Variants in MEIS2 observed in about 807,000 individuals in gnomAD.
The protein encoded by MEIS2 is homeobox protein Meis2.
In MEIS2, 9 loss-of-function variants were observed where a neutral mutation model predicts 58.6. The ratio of observed to expected loss-of-function variants is 0.15; its 90% CI spans 0.09 to 0.27. The LOEUF (loss-of-function observed/expected upper bound fraction) is 0.27. Among genes scored for constraint, MEIS2 ranks in the 10% least tolerant of loss-of-function variants. MEIS2 has a pLI of 1.00. For synonymous variants in MEIS2, 221 were observed against 228.4 expected, an observed-to-expected ratio of 0.97 and a Z score of 0.29; for missense variants, 427 against 635.0, an observed-to-expected ratio of 0.67 and a Z score of 3.52.
intron 7 of MEIS2, among the ~76,000 whole-genome samples, chr15:37,077,122 A>T (rs1292220584): frequency 6.6e-6 from 1 of 152,102 alleles, no homozygotes; most frequent in Non-Finnish European, 1.5e-5. Flanking sequence ...CAAACTTTCA[A>T]ATTTGACACG....
chr15:36,926,933 C>T (rs999140383), intron 9 of MEIS2, among the ~76,000 whole-genome samples: 12 of 152,136 alleles, frequency 7.9e-5, no homozygotes, highest in Admixed American at 2.0e-4. Context: ...ATTATGTAAA[C>T]GGATATCTCA....
intron 8 of MEIS2, among the ~76,000 whole-genome samples, chr15:36,968,713 T>C (rs1196956548): frequency 6.6e-6 from 1 of 152,220 alleles, no homozygotes; most frequent in African/African-American, 2.4e-5. Context: ...AATTCACTTG[T>C]GCAGTCAAAG....
At chr15:37,092,299 C>T (rs994938505) in intron 6 of MEIS2, among the ~76,000 whole-genome samples, 3 of 152,158 alleles carry the variant, frequency 2.0e-5, no homozygotes, top group South Asian at 2.1e-4. Flanking sequence ...AAATCTATGA[C>T]TGCATATTTT....
intron 9 of MEIS2, among the ~76,000 whole-genome samples, chr15:36,940,584 G>A (rs1414024465): frequency 1.3e-5 from 2 of 152,100 alleles, no homozygotes; most frequent in Non-Finnish European, 2.9e-5. Flanking sequence ...TGACTTCTGG[G>A]AGCAGGAGAG....
chr15:36,923,731 G>A (rs2057619988), intron 9 of MEIS2, among the ~76,000 whole-genome samples: 1 of 152,190 alleles, frequency 6.6e-6, no homozygotes, highest in Admixed American at 6.5e-5. Flanking sequence ...CCCCCAGCAT[G>A]TAAAAGGTCC....
intron 7 of MEIS2, among the ~76,000 whole-genome samples, chr15:37,042,339 G>T (rs931316128): frequency 1.3e-5 from 2 of 152,108 alleles, no homozygotes; most frequent in African/African-American, 4.8e-5. Context: ...CTTTCTCCTT[G>T]TCTTATCAGA....
At chr15:37,002,894 G>T (rs1028427282) in intron 8 of MEIS2, among the ~76,000 whole-genome samples, 1 of 152,084 alleles carries the variant, frequency 6.6e-6, no homozygotes, top group African/African-American at 2.4e-5. Context: ...TAAGAAGACA[G>T]TGCTACAACA....
At chr15:37,094,079 C>A (rs1028118860) in intron 5 of MEIS2, 2 of 256,836 alleles carry the variant, frequency 7.8e-6, no homozygotes, top group South Asian at 7.0e-5. Context: ...CTGGGGAGAG[C>A]ATTAACGTTT....
At chr15:37,031,036 C>G (rs1229215988) in intron 8 of MEIS2, among the ~76,000 whole-genome samples, 1 of 152,172 alleles carries the variant, frequency 6.6e-6, no homozygotes, top group Non-Finnish European at 1.5e-5. Context: ...TTGGTCAAAG[C>G]CTTCTGCTAG....
intron 1 of MEIS2, chr15:37,098,881 G>GC: frequency 1.0e-6 from 1 of 983,290 alleles, no homozygotes; most frequent in Non-Finnish European, 1.2e-6. Context: ...GGGTGGGGGG[G>GC]CGAATAACGT....
intron 8 of MEIS2, among the ~76,000 whole-genome samples, chr15:37,000,735 T>C (rs2060692354): frequency 6.6e-6 from 1 of 152,162 alleles, no homozygotes; most frequent in Non-Finnish European, 1.5e-5. Flanking sequence ...TTTCAATCTC[T>C]TCACTTCTAC....
At chr15:36,898,462 A>T (rs772384514) in intron 9 of MEIS2, 4 of 152,020 alleles carry the variant, frequency 2.6e-5, no homozygotes, top group Non-Finnish European at 4.4e-5. Flanking sequence ...ACCCCCTTTT[A>T]TGTGCTACTA....
At chr15:36,893,601 T>C (rs2056004346) in intron 11 of MEIS2, among the ~76,000 whole-genome samples, 1 of 152,242 alleles carries the variant, frequency 6.6e-6, no homozygotes, top group Non-Finnish European at 1.5e-5. Flanking sequence ...TATTAAGCTA[T>C]TAATGTAATT....
chr15:36,968,077 G>A (rs2141453632), intron 8 of MEIS2, among the ~76,000 whole-genome samples: 1 of 152,316 alleles, frequency 6.6e-6, no homozygotes, highest in Admixed American at 6.5e-5. Flanking sequence ...AGAATAGCCT[G>A]AACTCACCAC....
At position 37,073,503 on chromosome 15, in the gene MEIS2, C is replaced by A. The variant is rs1039002658; in HGVS notation, c.754+10268G>T. Among the ~76,000 whole-genome samples, 3 of 152,056 alleles carry A rather than the reference C, an allele frequency of 2.0e-5. No individual in the cohort carries two copies. In the East Asian group the frequency reaches 5.8e-4, roughly 29 times the overall value. ...CCAAGGTGCCTTGCTCAATGAATAT[C>A]TTTGTGTATTAAATTTAAACAGCCT... is the stretch of plus-strand genomic sequence containing the variant. On this transcript the variant is annotated intron_variant, in intron 7 of 11. Transcript: ENST00000561208.
chr15:36,897,990 T>C (rs1341401640), intron 9 of MEIS2: 1 of 152,244 alleles, frequency 6.6e-6, no homozygotes, highest in Non-Finnish European at 1.5e-5. Context: ...GTGAGCACTC[T>C]GGTGGGAATA....
intron 7 of MEIS2, chr15:37,050,921 T>G (rs1378517115): frequency 6.6e-6 from 1 of 152,228 alleles, no homozygotes; most frequent in Non-Finnish European, 1.5e-5. Flanking sequence ...CCACTGCACT[T>G]GGACCAGCCC....
chr15:36,951,715 T>A (rs1400112703), intron 8 of MEIS2, among the ~76,000 whole-genome samples: 1 of 152,150 alleles, frequency 6.6e-6, no homozygotes, highest in Non-Finnish European at 1.5e-5. Context: ...AAGATGATAA[T>A]GTTGAGTTAA....
intron 8 of MEIS2, among the ~76,000 whole-genome samples, chr15:37,015,122 A>G (rs2061302990): frequency 6.6e-6 from 1 of 152,254 alleles, no homozygotes; most frequent in Non-Finnish European, 1.5e-5. Context: ...TGTCGGAGGC[A>G]GTATCAGCTT....
Sources: allele counts gnomAD v4.1 joint callset (sites outside exome capture counted in the v4.1 genomes callset), GRCh38; gene constraint gnomAD v4.1.1; transcripts MANE v1.5; gene names NCBI Gene and HGNC (gene_info 2026-07-23, HGNC 2026-07-21).